The following INPP4B variants were observed in gnomAD, a reference collection of about 807,000 sequenced individuals.
The protein encoded by INPP4B is inositol polyphosphate-4-phosphatase type II B.
A neutral mutation model predicts 122.5 loss-of-function variants in INPP4B; 55 were observed. The observed-to-expected ratio is 0.45, with a 90% CI of 0.36 to 0.56. The LOEUF (loss-of-function observed/expected upper bound fraction) is 0.56. Ranked by LOEUF, INPP4B falls within the 20% of genes least tolerant of loss-of-function variation. The pLI, the probability that INPP4B is intolerant of heterozygous loss-of-function variation, is 0.00. For synonymous variants in INPP4B, 403 were observed against 388.7 expected (o/e 1.04, Z -0.43); for missense variants, 1,000 against 1,097.7 (o/e 0.91, Z 1.26).
intron 10 of INPP4B, among the ~76,000 whole-genome samples, chr4:142,267,857 G>A (rs1274265686): frequency 6.6e-6 from 1 of 151,850 alleles, no homozygotes; most frequent in African/African-American, 2.4e-5. Flanking sequence ...TCAATAGCAA[G>A]AAAACAACCC....
chr4:142,436,027 G>A (rs1201665698), intron 3 of INPP4B, among the ~76,000 whole-genome samples: 1 of 152,204 alleles, frequency 6.6e-6, no homozygotes, highest in African/African-American at 2.4e-5. Flanking sequence ...GGGAAGGGCG[G>A]CAGCTATCAC....
chr4:142,188,518 A>AAAAAAATATAT (rs1834267141), intron 15 of INPP4B, among the ~76,000 whole-genome samples: 2 of 105,096 alleles, frequency 1.9e-5, no homozygotes, highest in Non-Finnish European at 1.9e-5. Flanking sequence ...AAAGAAAAAA[A>AAAAAAATATAT]ATATATATAG....
Position 142,431,349 on chromosome 4 carries a change from C to A in INPP4B, c.-90G>T. On this transcript the variant is annotated 5_prime_UTR_variant, in exon 4 of 26. Transcript: ENST00000262992. ...CTGGTTTAATGTAGATGTATCTTCACACTAAAGATCTGATATCCCACTCTG... is the reference window on the plus strand; with the variant it reads ...CTGGTTTAATGTAGATGTATCTTCAAACTAAAGATCTGATATCCCACTCTG... 3.5e-6 allele frequency: 3 copies of A among 853,770 alleles called. No homozygotes were observed. The highest frequency in any genetic ancestry group is 4.1e-5 in the Admixed American group (2 of 48,488). The allele number at this position is 853,770 out of a possible 1,614,324, so 52.9% of individuals were successfully genotyped here. A position where few individuals can be genotyped will look rare whatever the true frequency, so the allele number is the denominator to read the frequency against.
intron 8 of INPP4B, among the ~76,000 whole-genome samples, chr4:142,313,268 G>C (rs1460947162): frequency 6.6e-6 from 1 of 152,204 alleles, no homozygotes; most frequent in African/African-American, 2.4e-5. Flanking sequence ...AAGAGCAGTG[G>C]TGGAGTGGGG....
chr4:142,424,359 C>T (rs899345176), intron 5 of INPP4B, among the ~76,000 whole-genome samples: 9 of 151,852 alleles, frequency 5.9e-5, no homozygotes, highest in African/African-American at 2.2e-4. Flanking sequence ...TTCTTCAGTG[C>T]ATTCAGGTTA....
At chr4:142,471,920 C>T (rs1161496766) in intron 2 of INPP4B, among the ~76,000 whole-genome samples, 4 of 152,004 alleles carry the variant, frequency 2.6e-5, no homozygotes, top group Non-Finnish European at 5.9e-5. Context: ...TTTATGACTG[C>T]ATTGGTATAA....
chr4:142,472,656 A>G (rs1032115143), intron 2 of INPP4B, among the ~76,000 whole-genome samples: 3 of 152,274 alleles, frequency 2.0e-5, no homozygotes, highest in African/African-American at 7.2e-5. Flanking sequence ...TACTTGCACA[A>G]ATTTTTTCCT....
intron 1 of INPP4B, among the ~76,000 whole-genome samples, chr4:142,793,857 A>T (rs1404999560): frequency 6.6e-6 from 1 of 152,102 alleles, no homozygotes; most frequent in Non-Finnish European, 1.5e-5. Flanking sequence ...TTAACAAAAT[A>T]TATGCAATGC....
intron 2 of INPP4B, among the ~76,000 whole-genome samples, chr4:142,545,793 GTGTATATATATACACATATACA>G (rs1829549269): frequency 1.1e-5 from 1 of 92,912 alleles, no homozygotes; most frequent in African/African-American, 3.4e-5. Context: ...ATATATATGT[GTGTATATATATACACATATACA>G]TGTGTGTATA....
chr4:142,829,787 A>G (rs1401722623), intron 1 of INPP4B, among the ~76,000 whole-genome samples: 1 of 152,240 alleles, frequency 6.6e-6, no homozygotes. Flanking sequence ...TTTACTAGCA[A>G]TAGACTTTTA....
chr4:142,458,412 A>T (rs1344966378), intron 3 of INPP4B, among the ~76,000 whole-genome samples: 1 of 152,158 alleles, frequency 6.6e-6, no homozygotes, highest in Non-Finnish European at 1.5e-5. Context: ...AAAAGGTGAA[A>T]AATTTACTGT....
chr4:142,626,114 G>A lies in INPP4B; in HGVS notation c.-191+99725C>T, dbSNP rs1011171668. Among the ~76,000 whole-genome samples, 7 of 152,120 alleles carry A rather than the reference G, an allele frequency of 4.6e-5. No homozygotes were observed. The East Asian group carries it at 5.8e-4, about 13-fold the overall frequency. ...TGAAACACCAAAAGCAATGGCAACAGAAGCCAAAATTGACAAATGGGATCT... is the reference window on the plus strand; with the variant it reads ...TGAAACACCAAAAGCAATGGCAACAAAAGCCAAAATTGACAAATGGGATCT... On this transcript the variant is annotated intron_variant, in intron 2 of 25. Coordinates refer to ENST00000262992, the MANE Select transcript of INPP4B (RefSeq NM_001101669.3).
In INPP4B at chr4:142,456,881, CA is replaced by C. The variant is rs549299574; in HGVS notation, c.-127+5781del. Among the ~76,000 whole-genome samples, 245 of 151,912 alleles carry C rather than the reference CA, an allele frequency of 1.6e-3. 1 individual carries two copies. The highest frequency in any genetic ancestry group is 2.8e-3 in the Non-Finnish European group (191 of 67,872). Reference sequence around the variant, plus strand: ...ATATGGAAAGGCAAAGAAAGGATAGCAAAAACAGTTTTGAGAAAGCAGAACA... The same window carrying C: ...ATATGGAAAGGCAAAGAAAGGATAGCAAAACAGTTTTGAGAAAGCAGAACA... On this transcript the variant is annotated intron_variant, in intron 3 of 25. Coordinates refer to ENST00000262992, the MANE Select transcript of INPP4B (RefSeq NM_001101669.3).
intron 9 of INPP4B, among the ~76,000 whole-genome samples, chr4:142,301,158 T>C (rs1761235812): frequency 6.6e-6 from 1 of 152,176 alleles, no homozygotes; most frequent in African/African-American, 2.4e-5. Context: ...TTAGACTGCA[T>C]AATATTCACC....
chr4:142,743,002 A>C (rs1343143076), intron 1 of INPP4B, among the ~76,000 whole-genome samples: 1 of 152,008 alleles, frequency 6.6e-6, no homozygotes, highest in Non-Finnish European at 1.5e-5. Context: ...AAGTGTATTA[A>C]CTTCAAACCA....
chr4:142,679,124 C>T (rs1242348728), intron 2 of INPP4B, among the ~76,000 whole-genome samples: 1 of 151,912 alleles, frequency 6.6e-6, no homozygotes, highest in African/African-American at 2.4e-5. Flanking sequence ...CCAGAGATTT[C>T]TCAGAAAGAA....
intron 2 of INPP4B, among the ~76,000 whole-genome samples, chr4:142,484,854 G>T (rs958812856): frequency 1.3e-5 from 2 of 151,900 alleles, no homozygotes; most frequent in Non-Finnish European, 2.9e-5. Context: ...CTCAGAAAAA[G>T]GTCTACTTTG....
chr4:142,517,398 C>T (rs1051029254), intron 2 of INPP4B, among the ~76,000 whole-genome samples: 6 of 151,988 alleles, frequency 3.9e-5, no homozygotes, highest in African/African-American at 9.7e-5. Flanking sequence ...AAATCAGACA[C>T]TTAGCCTAAT....
chr4:142,373,699 T>G (rs922987227), intron 7 of INPP4B, among the ~76,000 whole-genome samples: 2 of 151,994 alleles, frequency 1.3e-5, no homozygotes, highest in Admixed American at 1.3e-4. Flanking sequence ...TACTAAGAGT[T>G]TGTTCCTGTG....
Sources: allele counts gnomAD v4.1 joint callset (sites outside exome capture counted in the v4.1 genomes callset), GRCh38; gene constraint gnomAD v4.1.1; transcripts MANE v1.5; gene names NCBI Gene and HGNC (gene_info 2026-07-23, HGNC 2026-07-21).